Variants in MACROD1 observed in about 807,000 individuals in gnomAD.
The protein encoded by MACROD1 is ADP-ribose glycohydrolase MACROD1.
A neutral mutation model predicts 41.4 loss-of-function variants in MACROD1; 31 were observed. The observed-to-expected ratio is 0.75, with a 90% CI of 0.56 to 1.01. The LOEUF (loss-of-function observed/expected upper bound fraction) is 1.01. Among genes scored for constraint, MACROD1 ranks in the 50% least tolerant of loss-of-function variants. MACROD1 has a pLI of 0.00. For synonymous variants in MACROD1, 252 were observed against 203.4 expected, an observed-to-expected ratio of 1.24 and a Z score of -2.03; for missense variants, 473 against 460.0, an observed-to-expected ratio of 1.03 and a Z score of -0.26.
intron 4 of MACROD1, chr11:64,008,893 T>C (rs955388152): frequency 1.4e-4 from 21 of 152,138 alleles, no homozygotes; most frequent in African/African-American, 4.6e-4. Flanking sequence ...AGCTGACCCT[T>C]TGGGGCGCTG....
chr11:64,131,712 C>G (rs1223499926), intron 3 of MACROD1, among the ~76,000 whole-genome samples: 1 of 152,168 alleles, frequency 6.6e-6, no homozygotes, highest in South Asian at 2.1e-4. Context: ...ACCAACCAAG[C>G]CTTTATTGAG....
chr11:64,078,096 G>A (rs1944236605), intron 3 of MACROD1, among the ~76,000 whole-genome samples: 2 of 152,176 alleles, frequency 1.3e-5, no homozygotes, highest in African/African-American at 4.8e-5. Context: ...ACACTGCCCT[G>A]CGCACCTGCC....
intron 3 of MACROD1, chr11:64,118,346 T>A: frequency 6.7e-7 from 1 of 1,496,732 alleles, no homozygotes; most frequent in Admixed American, 2.3e-5. Context: ...GGCGTGGCCA[T>A]GTGGCTTTGC....
At chr11:64,045,433 G>C (rs963267088) in intron 3 of MACROD1, among the ~76,000 whole-genome samples, 1 of 152,250 alleles carries the variant, frequency 6.6e-6, no homozygotes, top group Non-Finnish European at 1.5e-5. Flanking sequence ...GAGCGCAGGA[G>C]AGAGGAGGAA....
At chr11:64,091,767 T>C (rs1245534417) in intron 3 of MACROD1, among the ~76,000 whole-genome samples, 1 of 152,160 alleles carries the variant, frequency 6.6e-6, no homozygotes, top group Non-Finnish European at 1.5e-5. Context: ...CAGCAAGGCT[T>C]ACTGTTCTTC....
At chr11:64,127,534 G>A (rs1945204439) in intron 3 of MACROD1, among the ~76,000 whole-genome samples, 1 of 152,244 alleles carries the variant, frequency 6.6e-6, no homozygotes, top group Admixed American at 6.5e-5. Context: ...GATGGAGACT[G>A]TTCCCTCCGG....
intron 3 of MACROD1, among the ~76,000 whole-genome samples, chr11:64,072,515 C>T (rs1944129137): frequency 6.6e-6 from 1 of 152,182 alleles, no homozygotes; most frequent in African/African-American, 2.4e-5. Flanking sequence ...ATAAACCAGG[C>T]ACCCGTGAAC....
intron 3 of MACROD1, among the ~76,000 whole-genome samples, chr11:64,112,917 T>G (rs1944888350): frequency 6.6e-6 from 1 of 152,192 alleles, no homozygotes; most frequent in South Asian, 2.1e-4. Flanking sequence ...GGCAGAGACA[T>G]TCACCACGGC....
At chr11:64,071,871 G>C (rs1399698551) in intron 3 of MACROD1, among the ~76,000 whole-genome samples, 3 of 152,216 alleles carry the variant, frequency 2.0e-5, no homozygotes, top group Admixed American at 2.0e-4. Flanking sequence ...GGGCAGTAGT[G>C]GCGAGAGCCC....
chr11:64,101,618 G>A (rs918391913), intron 3 of MACROD1, among the ~76,000 whole-genome samples: 1 of 152,152 alleles, frequency 6.6e-6, no homozygotes, highest in African/African-American at 2.4e-5. Context: ...TCGCTTTCAT[G>A]GAGAAATTAC....
intron 3 of MACROD1, among the ~76,000 whole-genome samples, chr11:64,073,241 T>C (rs1166511533): frequency 6.6e-6 from 1 of 152,192 alleles, no homozygotes; most frequent in Non-Finnish European, 1.5e-5. Context: ...CAGAGATACT[T>C]CTGGGTACCC....
At position 64,086,684 on chromosome 11, in the gene MACROD1, G is replaced by T. The variant is rs141117055; in HGVS notation, c.517+64555C>A. Among the ~76,000 whole-genome samples, 342 of 152,282 alleles carry T rather than the reference G, an allele frequency of 2.2e-3. 4 individuals are homozygous for T. Among genetic ancestry groups the T allele is most frequent in the African/African-American group, 7.4e-3 (307 of 41,540 alleles). Reference sequence around the variant, plus strand: ...TCCAGGGACTCACATCATGTGTTCAGGGAAGACAGAGAGGGGGAGAAGGGC... The same window carrying T: ...TCCAGGGACTCACATCATGTGTTCATGGAAGACAGAGAGGGGGAGAAGGGC... On this transcript the variant is annotated intron_variant, in intron 3 of 10. Coordinates refer to ENST00000255681, the MANE Select transcript of MACROD1 (RefSeq NM_014067.4).
chr11:64,145,014 T>C (rs1945473830), intron 3 of MACROD1, among the ~76,000 whole-genome samples: 1 of 152,136 alleles, frequency 6.6e-6, no homozygotes, highest in African/African-American at 2.4e-5. Context: ...GGTTCTGGCC[T>C]GCTCCTTCTC....
Position 64,090,531 on chromosome 11 carries a change from G to A in MACROD1, c.517+60708C>T, listed in dbSNP as rs944346736. ...TGCTTCCCCGGGCCCTCCCTCGACC[G>A]GCTCTGCCTGCTCACAGGTGGCTGG... On this transcript the variant is annotated intron_variant, in intron 3 of 10. Coordinates refer to ENST00000255681, the MANE Select transcript of MACROD1 (RefSeq NM_014067.4). The surrounding 1 kb of genome is among the most constrained non-coding windows in gnomAD (Gnocchi z 4.7). 6.6e-6 allele frequency among the ~76,000 whole-genome samples: 1 copy of A among 152,136 alleles called. No individual in the cohort carries two copies. The highest frequency in any genetic ancestry group is 1.5e-5 in the Non-Finnish European group (1 of 68,018).
intron 3 of MACROD1, chr11:64,086,904 G>A (rs1944405998): frequency 6.6e-6 from 1 of 152,218 alleles, no homozygotes; most frequent in African/African-American, 2.4e-5. Context: ...GCCCTTCCCT[G>A]TCCTGGCAGG....
At chr11:64,161,568 C>T (rs926263087) in intron 1 of MACROD1, among the ~76,000 whole-genome samples, 4 of 152,214 alleles carry the variant, frequency 2.6e-5, no homozygotes, top group Non-Finnish European at 5.9e-5. Flanking sequence ...TCAAGGGCCA[C>T]GGCTCAGACC....
chr11:64,101,562 G>A (rs372486255), intron 3 of MACROD1, among the ~76,000 whole-genome samples: 1 of 152,092 alleles, frequency 6.6e-6, no homozygotes, highest in Non-Finnish European at 1.5e-5. Context: ...CAATTTCTGC[G>A]CCCCGGCCAG....
chr11:64,101,957 C>A (rs1174778242), intron 3 of MACROD1, among the ~76,000 whole-genome samples: 1 of 152,218 alleles, frequency 6.6e-6, no homozygotes, highest in Admixed American at 6.5e-5. Flanking sequence ...CAAATGCCTT[C>A]CCTGCCAGGC....
At chr11:64,108,384 C>T (rs145236429) in intron 3 of MACROD1, among the ~76,000 whole-genome samples, 68 of 152,022 alleles carry the variant, frequency 4.5e-4, no homozygotes, top group Admixed American at 5.9e-4. Context: ...TTGAGCCAGG[C>T]AGACCACTGG....
Sources: gnomAD v4.1 joint callset for allele counts (sites outside exome capture counted in the v4.1 genomes callset) on GRCh38, gnomAD v4.1.1 for gene constraint, Gnocchi (gnomAD v3.1) non-coding constraint, MANE v1.5 for transcripts, NCBI Gene and HGNC (gene_info 2026-07-23, HGNC 2026-07-21) for gene names.